The following PTPN21 variants were observed in gnomAD, a reference collection of about 807,000 sequenced individuals.
PTPN21 encodes the protein protein tyrosine phosphatase non-receptor type 21.
PTPN21 carries 77 observed loss-of-function variants against 131.8 expected under a neutral mutation model. The observed-to-expected ratio is 0.58, with a 90% CI of 0.49 to 0.71. The LOEUF is 0.71. PTPN21 is among the 30% of genes least tolerant of loss of function. The pLI is 0.00. For synonymous variants in PTPN21, 715 were observed against 621.3 expected, an observed-to-expected ratio of 1.15 and a Z score of -2.24; for missense variants, 1,552 against 1,527.1, an observed-to-expected ratio of 1.02 and a Z score of -0.27.
chr14:88,533,733 A>C (rs552032421), intron 2 of PTPN21, among the ~76,000 whole-genome samples: 46 of 151,920 alleles, frequency 3.0e-4, no homozygotes, highest in Non-Finnish European at 5.7e-4. Flanking sequence ...AAATACAAAA[A>C]TCAGCCAGGT....
At chr14:88,532,583 A>G (rs1466693785) in intron 2 of PTPN21, among the ~76,000 whole-genome samples, 1 of 152,230 alleles carries the variant, frequency 6.6e-6, no homozygotes, top group East Asian at 1.9e-4. Flanking sequence ...TGCCCTTGAC[A>G]AAGAAGAAAT....
At chr14:88,500,018 CTTTT>C (rs1017953634) in intron 8 of PTPN21, among the ~76,000 whole-genome samples, 6 of 152,100 alleles carry the variant, frequency 3.9e-5, no homozygotes, top group Non-Finnish European at 8.8e-5. Flanking sequence ...TGAATAGTAT[CTTTT>C]TTTATATCAG....
rs540692908 is a variant in PTPN21 at position 88,517,920 on chromosome 14, A to G, written c.181-659T>C. The stretch of plus-strand genomic sequence containing the variant: ...TGTGTATATATACACCTGTATATAT[A>G]TATGATAAATTTAGTGTTTTAGTAA... On this transcript the variant is annotated intron_variant, in intron 2 of 18. Transcript: ENST00000556564. 2.0e-3 allele frequency among the ~76,000 whole-genome samples: 290 copies of G among 147,800 alleles called. 4 individuals are homozygous for G. Among genetic ancestry groups the G allele is most frequent in the African/African-American group, 6.8e-3 (277 of 40,596 alleles).
At chr14:88,531,104 T>C (rs1168410512) in intron 2 of PTPN21, among the ~76,000 whole-genome samples, 1 of 152,076 alleles carries the variant, frequency 6.6e-6, no homozygotes, top group African/African-American at 2.4e-5. Context: ...CAGACGACAA[T>C]GGAATAAAAC....
At chr14:88,512,061 T>C (rs2078193844) in intron 3 of PTPN21, among the ~76,000 whole-genome samples, 2 of 152,152 alleles carry the variant, frequency 1.3e-5, no homozygotes, top group Admixed American at 6.5e-5. Context: ...CTGAAACATA[T>C]GTAGAGACAT....
rs775308473 is a variant in PTPN21, at chr14:88,479,082, G to A, written c.2349C>T (p.Ala783=). The change falls in exon 13 of 19, where the codon GCC becomes GCT. Residue 783 remains alanine, a synonymous_variant. Coordinates refer to ENST00000556564, the MANE Select transcript of PTPN21 (RefSeq NM_007039.4). ...DSSPVRTTAE[A]QRPWRDGLLM... is the part of the protein sequence containing the mutation. ...GCAGCCCGTCTCTCCAGGGCCGCTGGGCCTCTGCGGTCGTGCGGACGGGGC... is the reference window on the plus strand; with the variant it reads ...GCAGCCCGTCTCTCCAGGGCCGCTGAGCCTCTGCGGTCGTGCGGACGGGGC... 2 of 1,592,812 alleles carry A rather than the reference G, an allele frequency of 1.3e-6. No homozygotes were observed. The highest frequency in any genetic ancestry group is 1.7e-6 in the Non-Finnish European group (2 of 1,170,738).
rs1319023254 is a variant in PTPN21 at position 88,473,777 on chromosome 14, G to A, written c.2537C>T (p.Ala846Val). The A allele has an allele frequency of 1.2e-6, 2 of 1,607,724 alleles. No individual in the cohort carries two copies. Among genetic ancestry groups the A allele is most frequent in the South Asian group, 2.2e-5 (2 of 89,842 alleles). ...CAGTTTAAGAGGACCAATTTTTTTT[G>A]CATCTACTCGAGTCTTTTTCATTCC... ...LGGMKKTRVD[A>V]KKIGPLKLAA... is the part of the protein sequence containing the mutation. The change falls in exon 14 of 19, where the codon GCA becomes GTA. Residue 846 changes from alanine to valine, a missense_variant. By Grantham distance (64) the Ala-to-Val change is moderately conservative. Around this residue, in one of 4 missense-constraint regions of PTPN21, gnomAD observed 1,016 missense variants for 883.5 expected, o/e 1.15. Transcript: ENST00000556564.
intron 10 of PTPN21, chr14:88,493,147 C>G (rs1268491660): frequency 2.2e-6 from 1 of 452,086 alleles, no homozygotes; most frequent in Non-Finnish European, 4.4e-6. Flanking sequence ...ATAATTGTGC[C>G]CAACAGGGTT....
chr14:88,501,259 C>T, intron 7 of PTPN21, 22 bp downstream of exon 7: 1 of 1,585,940 alleles, frequency 6.3e-7, no homozygotes, highest in Non-Finnish European at 8.7e-7. Flanking sequence ...TTAAAGAGCC[C>T]CAGCCGCCAA....
In PTPN21 at chr14:88,550,298, G is replaced by A. The variant is rs1302519963; in HGVS notation, c.120C>T (p.Ser40=). The A allele has an allele frequency of 2.5e-6, 4 of 1,614,050 alleles. No individual in the cohort carries two copies. The Admixed American group carries it at 5.0e-5, about 20-fold the overall frequency. The change falls in exon 2 of 19, where the codon TCC becomes TCT. Residue 40 remains serine, a synonymous_variant. Coordinates refer to ENST00000556564, the MANE Select transcript of PTPN21 (RefSeq NM_007039.4). ...LNNEFVEFTL[S]VESTGQESLE... ...GGCTTTCCTGGCCAGTGCTCTCCAC[G>A]GACAGGGTGAACTCCACAAACTCGT...
chr14:88,510,174 G>T (rs1464097212), intron 3 of PTPN21, among the ~76,000 whole-genome samples: 1 of 145,100 alleles, frequency 6.9e-6, no homozygotes, highest in African/African-American at 2.7e-5. Context: ...TTCATTTCTG[G>T]TTCAATGTCT....
chr14:88,521,285 A>G (rs1239878823), intron 2 of PTPN21, among the ~76,000 whole-genome samples: 1 of 152,140 alleles, frequency 6.6e-6, no homozygotes, highest in Non-Finnish European at 1.5e-5. Flanking sequence ...TTCTGTTACT[A>G]TGTTTGTTTT....
chr14:88,496,293 C>A, intron 10 of PTPN21, 120 bp downstream of exon 10: 1 of 859,288 alleles, frequency 1.2e-6, no homozygotes, highest in Non-Finnish European at 1.8e-6. Flanking sequence ...AGGAAAACAG[C>A]TATAGGATCA....
chr14:88,495,809 G>T (rs1300364542), intron 10 of PTPN21, among the ~76,000 whole-genome samples: 1 of 152,168 alleles, frequency 6.6e-6, no homozygotes, highest in African/African-American at 2.4e-5. Context: ...GAGAACTCAT[G>T]AAATGATCAC....
chr14:88,500,224 G>A (rs1443268594), intron 8 of PTPN21, among the ~76,000 whole-genome samples: 1 of 152,180 alleles, frequency 6.6e-6, no homozygotes, highest in African/African-American at 2.4e-5. Flanking sequence ...TTGAGCCCAA[G>A]AGTTTGAGAC....
At chr14:88,500,385 G>A (rs980113938) in intron 8 of PTPN21, among the ~76,000 whole-genome samples, 4 of 152,122 alleles carry the variant, frequency 2.6e-5, no homozygotes, top group Admixed American at 2.0e-4. Flanking sequence ...AGTGGTGACT[G>A]TACCACTGCA....
intron 10 of PTPN21, among the ~76,000 whole-genome samples, chr14:88,490,634 C>A (rs1042652242): frequency 1.3e-5 from 2 of 152,194 alleles, no homozygotes; most frequent in African/African-American, 4.8e-5. Flanking sequence ...TAAACTCTTT[C>A]CCTTTCCAGG....
At chr14:88,481,401 C>T (rs1051273575) in intron 12 of PTPN21, among the ~76,000 whole-genome samples, 1 of 152,168 alleles carries the variant, frequency 6.6e-6, no homozygotes, top group African/African-American at 2.4e-5. Context: ...TCTCTGCAAT[C>T]CCCCTTTCCT....
chr14:88,502,137 A>G (rs1415963263), intron 6 of PTPN21, among the ~76,000 whole-genome samples: 1 of 152,082 alleles, frequency 6.6e-6, no homozygotes, highest in Non-Finnish European at 1.5e-5. Context: ...AGTGTGGGTA[A>G]AGGAGGAGTG....
Sources: gnomAD v4.1 joint callset for allele counts (sites outside exome capture counted in the v4.1 genomes callset) on GRCh38, gnomAD v4.1.1 for gene constraint, gnomAD v4.1.1 regional missense constraint, MANE v1.5 for transcripts, NCBI Gene and HGNC (gene_info 2026-07-23, HGNC 2026-07-21) for gene names.